QSOX2: variants seen among roughly 807,000 people sequenced by gnomAD.
The protein encoded by QSOX2 is sulfhydryl oxidase 2.
QSOX2 carries 46 observed loss-of-function variants against 61.7 expected under a neutral mutation model. The observed-to-expected ratio is 0.75, with a 90% CI of 0.59 to 0.95. The LOEUF is 0.95. Ranked by LOEUF, QSOX2 falls within the 40% of genes least tolerant of loss-of-function variation. The probability of loss-of-function intolerance (pLI) is 0.00; values close to 1 mark genes in which losing one functional copy is unlikely to be tolerated. For synonymous variants in QSOX2, 383 were observed against 388.4 expected, an observed-to-expected ratio of 0.99 and a Z score of 0.16; for missense variants, 879 against 918.9, an observed-to-expected ratio of 0.96 and a Z score of 0.56.
intron 1 of QSOX2, among the ~76,000 whole-genome samples, chr9:136,232,377 A>G (rs1474123005): frequency 6.6e-6 from 1 of 152,172 alleles, no homozygotes. Flanking sequence ...TTTTCAACAA[A>G]TGTATTGGGA....
Position 136,209,406 on chromosome 9 carries a change from C to T in QSOX2, c.1550-131G>A. The T allele has an allele frequency of 6.7e-7, 1 of 1,500,690 alleles. No individual in the cohort carries two copies. Among genetic ancestry groups the T allele is most frequent in the Non-Finnish European group, 8.9e-7 (1 of 1,129,574 alleles). 93.0% of individuals were successfully genotyped at this position (1,500,690 alleles called of 1,614,324 possible). A position where few individuals can be genotyped will look rare whatever the true frequency, so the allele number is the denominator to read the frequency against. ...TGCCCTGGCCCAGGGTCCTGCCAGG[C>T]CTCCCTCCCTGCCCTTCCCACCACC... On this transcript the variant is annotated intron_variant, in intron 11 of 11. Transcript: ENST00000358701. This position sits in a 1 kb window ranked among gnomAD's most constrained non-coding sequence, Gnocchi z 5.6.
chr9:136,228,110 G>A (rs1240780944), intron 1 of QSOX2, among the ~76,000 whole-genome samples: 1 of 152,200 alleles, frequency 6.6e-6, no homozygotes, highest in African/African-American at 2.4e-5. Flanking sequence ...AGGGCACTCA[G>A]ATCTAGATTC....
intron 1 of QSOX2, among the ~76,000 whole-genome samples, chr9:136,228,394 T>C (rs761180028): frequency 4.6e-5 from 7 of 152,208 alleles, no homozygotes; most frequent in Non-Finnish European, 1.0e-4. Flanking sequence ...ATCAAAGTCA[T>C]GGTTTCCGAA....
At chr9:136,232,647 C>T (rs947511698) in intron 1 of QSOX2, among the ~76,000 whole-genome samples, 2 of 152,114 alleles carry the variant, frequency 1.3e-5, no homozygotes, top group Admixed American at 6.5e-5. Context: ...CAGGATACAG[C>T]GTAAGTCGGG....
chr9:136,209,355 C>A lies in QSOX2; in HGVS notation c.1550-80G>T. ...GTGCAGCGTGCGGCAACCGGACTCC[C>A]ACTCCCACCCACCACGGGCCTCCAC... On this transcript the variant is annotated intron_variant, in intron 11 of 11. Coordinates refer to ENST00000358701, the MANE Select transcript of QSOX2 (RefSeq NM_181701.4). This position sits in a 1 kb window ranked among gnomAD's most constrained non-coding sequence, Gnocchi z 5.6. 6.5e-7 allele frequency: 1 copy of A among 1,547,074 alleles called. No homozygotes were observed. Among genetic ancestry groups the A allele is most frequent in the South Asian group, 1.3e-5 (1 of 79,772 alleles).
chr9:136,219,877 G>C (rs1831960609), intron 6 of QSOX2, among the ~76,000 whole-genome samples: 1 of 152,218 alleles, frequency 6.6e-6, no homozygotes. Context: ...TCTGGGAGTG[G>C]TTCAGGCCGC....
chr9:136,215,369 C>T (rs553162255), intron 9 of QSOX2, 65 bp from the exon 10 acceptor site: 84 of 1,479,304 alleles, frequency 5.7e-5, no homozygotes, highest in South Asian at 1.0e-4. Flanking sequence ...TAAAAACAGT[C>T]GACAGCTGCC....
At position 136,245,640 on chromosome 9, in the gene QSOX2, A is replaced by G. The variant is rs1169146595; in HGVS notation, c.164T>C (p.Leu55Pro). ...VGPGAGGAARLYRAGEDAVWV... is the reference protein window; with the variant it reads ...VGPGAGGAARPYRAGEDAVWV... ...CACGGCGTCCTCGCCCGCGCGGTAC[A>G]GCCGCGCCGCACCGCCCGCGCCCGG... The change falls in exon 1 of 12, where the codon CTG becomes CCG. Residue 55 changes from leucine to proline, a missense_variant. Physicochemically the swap from Leu to Pro is moderately conservative, Grantham distance 98. Transcript: ENST00000358701. 4.4e-6 allele frequency: 6 copies of G among 1,369,944 alleles called. No individual in the cohort carries two copies. Among genetic ancestry groups the G allele is most frequent in the Non-Finnish European group, 5.6e-6 (6 of 1,064,700 alleles). The allele number at this position is 1,369,944 out of a possible 1,614,324, so 84.9% of individuals were successfully genotyped here. A position where few individuals can be genotyped will look rare whatever the true frequency, so the allele number is the denominator to read the frequency against.
chr9:136,234,451 C>A (rs77772575), intron 1 of QSOX2, among the ~76,000 whole-genome samples: 1,908 of 152,276 alleles, frequency 0.013, 33 homozygotes, highest in African/African-American at 0.043. Flanking sequence ...GAGGGCCGCC[C>A]AGATGTCCGG....
Position 136,211,280 on chromosome 9 carries a change from C to A in QSOX2, c.1533G>T (p.Val511=). The A allele has an allele frequency of 6.2e-7, 1 of 1,614,078 alleles. No individual in the cohort carries two copies. Residue 511 remains valine (V), a synonymous_variant, in exon 11 of 12, where the codon GTG becomes GTT. Transcript: ENST00000358701. ...GCTTCTCACCTGCCAGGCGGCCGTT[C>A]ACCATATTATGCTTCTTCCACAGCC... ...ILWLWKKHNM[V]NGRLAGHLSE...
chr9:136,210,842 T>TA, intron 11 of QSOX2: 1 of 984,920 alleles, frequency 1.0e-6, no homozygotes, highest in Non-Finnish European at 1.2e-6. Context: ...TATTTTTTTT[T>TA]AACAAAACAA....
rs1554758443 is a variant in QSOX2, at chr9:136,245,644, G to A, written c.160C>T (p.Arg54Trp). 3.1e-6 allele frequency: 4 copies of A among 1,304,444 alleles called. No individual in the cohort carries two copies. The highest frequency in any genetic ancestry group is 3.9e-6 in the Non-Finnish European group (4 of 1,030,018). The allele number at this position is 1,304,444 out of a possible 1,614,324, so 80.8% of individuals were successfully genotyped here. The change falls in exon 1 of 12, where the codon CGG becomes TGG. Residue 54 changes from arginine to tryptophan, a missense_variant. Arg to Trp is a moderately radical substitution (Grantham distance 101). Transcript: ENST00000358701. ...GCGTCCTCGCCCGCGCGGTACAGCC[G>A]CGCCGCACCGCCCGCGCCCGGCCCC... Reference protein sequence around the residue: ...AVGPGAGGAARLYRAGEDAVW... With the variant: ...AVGPGAGGAAWLYRAGEDAVW...
chr9:136,208,800 G>A lies in QSOX2; in HGVS notation c.2025C>T (p.Leu675=), dbSNP rs755206182. The change falls in exon 12 of 12, where the codon CTC becomes CTT. Residue 675 remains leucine (L), a synonymous_variant. Coordinates refer to ENST00000358701, the MANE Select transcript of QSOX2 (RefSeq NM_181701.4). ...VVLYVASSLF[L]MVMYFFFRVR... ...CCCGGAAGAAGAAGTACATCACCAT[G>A]AGGAACAGGGATGAAGCCACGTACA... The A allele has an allele frequency of 5.6e-6, 9 of 1,613,890 alleles. No individual in the cohort carries two copies. The highest frequency in any genetic ancestry group is 3.3e-5 in the Admixed American group (2 of 60,002).
chr9:136,244,451 C>T (rs1341143991), intron 1 of QSOX2, among the ~76,000 whole-genome samples: 1 of 152,116 alleles, frequency 6.6e-6, no homozygotes, highest in African/African-American at 2.4e-5. Context: ...AATCTGTTTG[C>T]GATGAGAAAA....
At chr9:136,237,012 G>A (rs1342486738) in intron 1 of QSOX2, among the ~76,000 whole-genome samples, 2 of 120,954 alleles carry the variant, frequency 1.7e-5, no homozygotes, top group South Asian at 2.7e-4. Flanking sequence ...GCCCGTCCTG[G>A]GCCGGTGTCA....
chr9:136,236,809 C>T (rs1830387472), intron 1 of QSOX2, among the ~76,000 whole-genome samples: 1 of 150,696 alleles, frequency 6.6e-6, no homozygotes, highest in Non-Finnish European at 1.5e-5. Flanking sequence ...GGAGCCCGTC[C>T]TGGGCCTGCA....
rs766848320 is a variant in QSOX2, at chr9:136,223,858, C to T, written c.585-5G>A. On this transcript the variant is annotated splice_polypyrimidine_tract_variant and splice_region_variant and intron_variant, in intron 4 of 11. Transcript: ENST00000358701. The surrounding 1 kb of genome is among the most constrained non-coding windows in gnomAD (Gnocchi z 4.4). The stretch of plus-strand genomic sequence containing the variant: ...AGGGAAAGAACATCACTGGGCCTTT[C>T]AAGAGGAAAAAAAGAGGCTTTTAGT... The T allele has an allele frequency of 6.2e-7, 1 of 1,612,810 alleles. No individual in the cohort carries two copies. The highest frequency in any genetic ancestry group is 1.1e-5 in the South Asian group (1 of 90,832).
intron 6 of QSOX2, among the ~76,000 whole-genome samples, chr9:136,219,870 G>A (rs1019758920): frequency 2.0e-5 from 3 of 152,212 alleles, no homozygotes; most frequent in Admixed American, 1.3e-4. Flanking sequence ...ACAAACATCT[G>A]GGAGTGGTTC....
intron 8 of QSOX2, among the ~76,000 whole-genome samples, chr9:136,218,365 G>T (rs1437305528): frequency 3.3e-5 from 5 of 152,170 alleles, no homozygotes; most frequent in African/African-American, 1.2e-4. Context: ...CAGCTGAGGT[G>T]TGTGTGGGCC....
Sources: allele counts gnomAD v4.1 joint callset (sites outside exome capture counted in the v4.1 genomes callset), GRCh38; gene constraint gnomAD v4.1.1; non-coding constraint Gnocchi (gnomAD v3.1); transcripts MANE v1.5; gene names NCBI Gene and HGNC (gene_info 2026-07-23, HGNC 2026-07-21).